SCN8A: variants seen among roughly 807,000 people sequenced by gnomAD.
The protein encoded by SCN8A is sodium channel protein type 8 subunit alpha.
A neutral mutation model predicts 184.1 loss-of-function variants in SCN8A; 30 were observed. The observed-to-expected ratio is 0.16, with a 90% confidence interval of 0.12 to 0.22. SCN8A has a LOEUF of 0.22. SCN8A is among the 10% of genes least tolerant of loss of function. The probability of loss-of-function intolerance (pLI) is 1.00; values close to 1 mark genes in which losing one functional copy is unlikely to be tolerated. For missense variants in SCN8A, 1,057 were observed against 2,498.9 expected (o/e 0.42, Z 12.30); for synonymous variants, 852 against 907.0 (o/e 0.94, Z 1.09).
intron 1 of SCN8A, among the ~76,000 whole-genome samples, chr12:51,624,856 T>G (rs1466615674): frequency 6.6e-6 from 1 of 152,194 alleles, no homozygotes; most frequent in Non-Finnish European, 1.5e-5. Context: ...CCAGCACCGT[T>G]TATTAAATAG....
At chr12:51,713,187 A>G (rs531600436) in intron 11 of SCN8A, 2 of 1,187,266 alleles carry the variant, frequency 1.7e-6, no homozygotes, top group East Asian at 2.3e-5. Context: ...CTCTCAAATT[A>G]TATTCCTTTG....
intron 2 of SCN8A, among the ~76,000 whole-genome samples, chr12:51,669,025 G>T (rs991489394): frequency 6.6e-6 from 1 of 152,172 alleles, no homozygotes; most frequent in East Asian, 1.9e-4. Flanking sequence ...CACCTGTACA[G>T]CATGTTACCA....
At position 51,682,585 on chromosome 12, in the gene SCN8A, G is replaced by T. The variant is rs557957507; in HGVS notation, c.277-1589G>T. Among the ~76,000 whole-genome samples, 4 of 152,210 alleles carry T rather than the reference G, an allele frequency of 2.6e-5. No homozygotes were observed. The South Asian group carries it at 8.3e-4, about 32-fold the overall frequency. On this transcript the variant is annotated intron_variant, in intron 2 of 26. Transcript: ENST00000627620. ...AAGGATATACAAAAAAACTGGCATC[G>T]AAGGTTATCATTAGGTAATGAGATG...
intron 11 of SCN8A, among the ~76,000 whole-genome samples, chr12:51,711,640 A>G (rs1012106409): frequency 2.0e-5 from 3 of 151,820 alleles, no homozygotes; most frequent in Non-Finnish European, 2.9e-5. Flanking sequence ...TTTAACAATG[A>G]ATGTGGCTTC....
At chr12:51,721,131 T>TAAAA (rs1565899466) in intron 11 of SCN8A, among the ~76,000 whole-genome samples, 2 of 136,080 alleles carry the variant, frequency 1.5e-5, no homozygotes, top group Admixed American at 7.4e-5. Flanking sequence ...GTTATATATA[T>TAAAA]AATATTTATT....
chr12:51,693,040 G>A (rs1941537316), intron 6 of SCN8A, among the ~76,000 whole-genome samples: 1 of 152,042 alleles, frequency 6.6e-6, no homozygotes, highest in Non-Finnish European at 1.5e-5. Context: ...TTTCATTTCT[G>A]TTACTTTCAC....
At chr12:51,805,395 G>A (rs917690880) in intron 26 of SCN8A, among the ~76,000 whole-genome samples, 49 of 151,960 alleles carry the variant, frequency 3.2e-4, no homozygotes, top group Non-Finnish European at 1.5e-5. Context: ...ACCAGCCCGG[G>A]CAACATAGCA....
At position 51,773,042 on chromosome 12, in the gene SCN8A, G is replaced by A. The variant is rs572518245; in HGVS notation, c.3646-1147G>A. Among the ~76,000 whole-genome samples, 303 of 152,124 alleles carry A rather than the reference G, an allele frequency of 2.0e-3. 1 individual carries two copies. The highest frequency in any genetic ancestry group is 6.8e-3 in the African/African-American group (282 of 41,510). ...TGAGGCAGGAGAATGGCATGAACCCGGGAGGTGGAGGTTGCAGTGAGCTGA... is the reference window on the plus strand; with the variant it reads ...TGAGGCAGGAGAATGGCATGAACCCAGGAGGTGGAGGTTGCAGTGAGCTGA... On this transcript the variant is annotated intron_variant, in intron 19 of 26. Coordinates refer to ENST00000627620, the MANE Select transcript of SCN8A (RefSeq NM_001330260.2).
At position 51,733,694 on chromosome 12, in the gene SCN8A, G is replaced by A. The variant is rs540072623; in HGVS notation, c.1998+11786G>A. ...TAAAACTCAGCAGTGAAGCCATCAG[G>A]TCCTGAGTTTTTCTTTACTAAATGG... is the stretch of plus-strand genomic sequence containing the variant. On this transcript the variant is annotated intron_variant, in intron 12 of 26. Coordinates refer to ENST00000627620, the MANE Select transcript of SCN8A (RefSeq NM_001330260.2). 2.2e-4 allele frequency among the ~76,000 whole-genome samples: 33 copies of A among 152,240 alleles called. 7 individuals carry two copies. Among genetic ancestry groups the A allele is most frequent in the African/African-American group, 7.9e-4 (33 of 41,560 alleles).
intron 11 of SCN8A, among the ~76,000 whole-genome samples, chr12:51,708,755 T>C (rs1206674582): frequency 6.6e-6 from 1 of 152,226 alleles, no homozygotes; most frequent in African/African-American, 2.4e-5. Flanking sequence ...TTTTGTTTTC[T>C]GTAGTCTTTC....
At chr12:51,783,025 G>A (rs1459762653) in intron 21 of SCN8A, among the ~76,000 whole-genome samples, 1 of 152,192 alleles carries the variant, frequency 6.6e-6, no homozygotes, top group Non-Finnish European at 1.5e-5. Flanking sequence ...TGAACCCAAA[G>A]CTGGAATTTA....
intron 11 of SCN8A, among the ~76,000 whole-genome samples, chr12:51,707,316 A>T (rs1011247140): frequency 1.3e-5 from 2 of 152,068 alleles, no homozygotes; most frequent in Non-Finnish European, 2.9e-5. Context: ...TAGTATATAA[A>T]TATATAAAGG....
chr12:51,780,162 T>C (rs1356278658), intron 20 of SCN8A: 1 of 452,116 alleles, frequency 2.2e-6, no homozygotes, highest in South Asian at 1.6e-5. Context: ...GGGGGCAGCT[T>C]GTGTGGAGTA....
chr12:51,677,306 T>A (rs971622779), intron 2 of SCN8A, among the ~76,000 whole-genome samples: 1 of 152,056 alleles, frequency 6.6e-6, no homozygotes, highest in African/African-American at 2.4e-5. Context: ...CAGGCTGATC[T>A]CGAACTCCTG....
intron 21 of SCN8A, among the ~76,000 whole-genome samples, chr12:51,786,090 C>T (rs1010169667): frequency 1.6e-4 from 25 of 152,158 alleles, no homozygotes; most frequent in African/African-American, 5.6e-4. Context: ...AACTGGCTCT[C>T]TATTAACCAC....
intron 1 of SCN8A, among the ~76,000 whole-genome samples, chr12:51,653,288 T>G (rs1940756100): frequency 1.3e-5 from 2 of 152,118 alleles, no homozygotes; most frequent in Admixed American, 1.3e-4. Flanking sequence ...TATAAACTTT[T>G]TCATCATCCC....
At chr12:51,715,156 C>T (rs1486947778) in intron 11 of SCN8A, among the ~76,000 whole-genome samples, 1 of 152,152 alleles carries the variant, frequency 6.6e-6, no homozygotes, top group African/African-American at 2.4e-5. Flanking sequence ...CACATTTGTC[C>T]ATTGCAGACT....
In SCN8A at chr12:51,807,225, G is replaced by A. The variant is rs1457429337; in HGVS notation, c.5739G>A (p.Arg1913=). The A allele has an allele frequency of 6.2e-7, 1 of 1,613,824 alleles. No homozygotes were observed. Among genetic ancestry groups the A allele is most frequent in the African/African-American group, 1.3e-5 (1 of 74,914 alleles). ...CCTACCGGGGACATTTGGCAAGGCGGGGCTTCATCTGCAAAAAGACAACTT... is the reference window on the plus strand; with the variant it reads ...CCTACCGGGGACATTTGGCAAGGCGAGGCTTCATCTGCAAAAAGACAACTT... ...QRAYRGHLAR[R]GFICKKTTSN... Residue 1913 remains arginine, a synonymous_variant, in exon 27 of 27, where the codon CGG becomes CGA. Transcript: ENST00000627620. The surrounding 1 kb of genome is among the most constrained non-coding windows in gnomAD (Gnocchi z 4.5).
chr12:51,614,735 C>G (rs981175606), intron 1 of SCN8A, among the ~76,000 whole-genome samples: 20 of 150,482 alleles, frequency 1.3e-4, no homozygotes, highest in African/African-American at 4.9e-4. Context: ...TTTTAACTTA[C>G]ATTTATCGTA....
Sources: allele counts gnomAD v4.1 joint callset (sites outside exome capture counted in the v4.1 genomes callset), GRCh38; gene constraint gnomAD v4.1.1; non-coding constraint Gnocchi (gnomAD v3.1); transcripts MANE v1.5; gene names NCBI Gene and HGNC (gene_info 2026-07-23, HGNC 2026-07-21).